The following NRG3 variants were observed in gnomAD, a reference collection of about 807,000 sequenced individuals.
NRG3 encodes the protein pro-neuregulin-3, membrane-bound isoform.
In NRG3, 31 loss-of-function variants were observed where a neutral mutation model predicts 66.9. The observed-to-expected ratio is 0.46, with a 90% CI of 0.35 to 0.63. NRG3 has a LOEUF of 0.63. Ranked by LOEUF, NRG3 falls within the 20% of genes least tolerant of loss-of-function variation. The probability of loss-of-function intolerance (pLI) is 0.00; values close to 1 mark genes in which losing one functional copy is unlikely to be tolerated. For synonymous variants in NRG3, 393 were observed against 359.4 expected (o/e 1.09, Z -1.06); for missense variants, 910 against 878.9 (o/e 1.04, Z -0.45).
At chr10:82,724,537 G>A (rs936473679) in intron 2 of NRG3, among the ~76,000 whole-genome samples, 2 of 152,086 alleles carry the variant, frequency 1.3e-5, no homozygotes, top group Non-Finnish European at 2.9e-5. Flanking sequence ...CAACTCTAGG[G>A]GTTTCTAAAA....
At chr10:82,038,426 T>A (rs755765925) in intron 1 of NRG3, among the ~76,000 whole-genome samples, 5 of 152,122 alleles carry the variant, frequency 3.3e-5, no homozygotes, top group African/African-American at 7.2e-5. Flanking sequence ...TTTTACCATT[T>A]TACCCACTTT....
At chr10:82,307,939 T>C (rs920711689) in intron 1 of NRG3, among the ~76,000 whole-genome samples, 4 of 152,296 alleles carry the variant, frequency 2.6e-5, no homozygotes, top group African/African-American at 4.8e-5. Flanking sequence ...TTATGAATTC[T>C]TAGCTAAACA....
At chr10:82,882,068 CTTT>C (rs1564598795) in intron 4 of NRG3, among the ~76,000 whole-genome samples, 1 of 152,196 alleles carries the variant, frequency 6.6e-6, no homozygotes, top group African/African-American at 2.4e-5. Flanking sequence ...ACGTTCTCTT[CTTT>C]TAACACGCCG....
chr10:82,312,790 A>G (rs1316577621), intron 1 of NRG3, among the ~76,000 whole-genome samples: 1 of 151,106 alleles, frequency 6.6e-6, no homozygotes, highest in African/African-American at 2.4e-5. Context: ...TTTTTTTTCT[A>G]TTTGTACAGC....
rs185747428 is a variant in NRG3, at chr10:82,261,307, A to G, written c.824-97432A>G. 2.6e-5 allele frequency among the ~76,000 whole-genome samples: 4 copies of G among 152,250 alleles called. No homozygotes were observed. In the East Asian group the frequency reaches 7.7e-4, roughly 29 times the overall value. On this transcript the variant is annotated intron_variant, in intron 1 of 8. Coordinates refer to ENST00000372141, the MANE Select transcript of NRG3 (RefSeq NM_001010848.4). ...TCTCCTGTCTCCTGCCACCATATGA[A>G]GAAGGTCAGTGCCTGCTTCCCCTTC... is the stretch of plus-strand genomic sequence containing the variant.
intron 3 of NRG3, among the ~76,000 whole-genome samples, chr10:82,862,965 A>C (rs772217210): frequency 1.3e-5 from 2 of 152,098 alleles, no homozygotes; most frequent in Non-Finnish European, 2.9e-5. Flanking sequence ...GTAGGTTTTA[A>C]GCCCCACATG....
rs373799216 is a variant in NRG3, at chr10:81,892,047, T to C, written c.823+15884T>C. Among the ~76,000 whole-genome samples the C allele has an allele frequency of 2.1e-4, 32 of 152,302 alleles. 1 individual carries two copies. The highest frequency in any genetic ancestry group is 7.0e-4 in the African/African-American group (29 of 41,564). ...ATGTTGGACATTTGTCAGTTTGGCATTTAATAATATCCATGTTTCAATGTG... is the reference window on the plus strand; with the variant it reads ...ATGTTGGACATTTGTCAGTTTGGCACTTAATAATATCCATGTTTCAATGTG... On this transcript the variant is annotated intron_variant, in intron 1 of 8. Coordinates refer to ENST00000372141, the MANE Select transcript of NRG3 (RefSeq NM_001010848.4).
intron 1 of NRG3, among the ~76,000 whole-genome samples, chr10:82,153,576 T>G (rs1474674594): frequency 6.6e-6 from 1 of 152,018 alleles, no homozygotes; most frequent in East Asian, 1.9e-4. Context: ...GGGCATATAC[T>G]CCGTAGATGG....
chr10:82,002,830 G>A (rs890258304), intron 1 of NRG3, among the ~76,000 whole-genome samples: 3 of 152,138 alleles, frequency 2.0e-5, no homozygotes, highest in Non-Finnish European at 4.4e-5. Context: ...TCCCAAGGCT[G>A]CATGGCAAAT....
At chr10:81,886,391 G>A (rs901250319) in intron 1 of NRG3, among the ~76,000 whole-genome samples, 5 of 152,014 alleles carry the variant, frequency 3.3e-5, no homozygotes, top group African/African-American at 9.7e-5. Context: ...CTATTAAAAC[G>A]AAGTTCATTA....
chr10:82,241,455 G>C (rs1375531634), intron 1 of NRG3, among the ~76,000 whole-genome samples: 1 of 151,680 alleles, frequency 6.6e-6, no homozygotes, highest in Admixed American at 6.6e-5. Context: ...TTTTCCTTCT[G>C]TCCTCCATCA....
At chr10:82,132,989 TTTTG>T (rs1380269300) in intron 1 of NRG3, among the ~76,000 whole-genome samples, 11 of 152,036 alleles carry the variant, frequency 7.2e-5, no homozygotes, top group African/African-American at 2.2e-4. Flanking sequence ...GTTTTGTTGA[TTTTG>T]TTTATTTTTA....
At chr10:82,422,136 T>C (rs2089127672) in intron 2 of NRG3, among the ~76,000 whole-genome samples, 1 of 152,098 alleles carries the variant, frequency 6.6e-6, no homozygotes, top group African/African-American at 2.4e-5. Context: ...TGTTTAAGCT[T>C]TGTGGATGTG....
intron 1 of NRG3, among the ~76,000 whole-genome samples, chr10:81,927,831 C>T (rs1487149292): frequency 6.6e-6 from 1 of 152,054 alleles, no homozygotes; most frequent in Non-Finnish European, 1.5e-5. Flanking sequence ...GTCCAGTGTG[C>T]CTCATTATAC....
intron 1 of NRG3, among the ~76,000 whole-genome samples, chr10:82,125,762 C>T (rs992392655): frequency 3.9e-5 from 6 of 152,056 alleles, no homozygotes; most frequent in African/African-American, 7.2e-5. Flanking sequence ...CCAATGTCCC[C>T]GGCTCACTAG....
At chr10:82,194,472 C>T (rs2074342771) in intron 1 of NRG3, among the ~76,000 whole-genome samples, 1 of 152,106 alleles carries the variant, frequency 6.6e-6, no homozygotes, top group Non-Finnish European at 1.5e-5. Flanking sequence ...GAGGCTGCCT[C>T]AGACAGGAAC....
intron 2 of NRG3, among the ~76,000 whole-genome samples, chr10:82,503,077 G>C (rs781026916): frequency 3.3e-5 from 5 of 152,182 alleles, no homozygotes; most frequent in African/African-American, 4.8e-5. Context: ...TCATTTTGTA[G>C]CTTATCCATT....
intron 1 of NRG3, among the ~76,000 whole-genome samples, chr10:82,088,662 A>G (rs977485057): frequency 6.6e-6 from 1 of 152,136 alleles, no homozygotes; most frequent in Non-Finnish European, 1.5e-5. Flanking sequence ...TTTCCTTTGT[A>G]TATGACTATA....
chr10:82,398,324 G>T (rs576769949), intron 2 of NRG3, among the ~76,000 whole-genome samples: 5 of 152,144 alleles, frequency 3.3e-5, no homozygotes, highest in African/African-American at 4.8e-5. Context: ...TACAATCTAG[G>T]AAGGTTACTG....
Sources: allele counts gnomAD v4.1 joint callset (sites outside exome capture counted in the v4.1 genomes callset), GRCh38; gene constraint gnomAD v4.1.1; transcripts MANE v1.5; gene names NCBI Gene and HGNC (gene_info 2026-07-23, HGNC 2026-07-21).